SEL1L: variants seen among roughly 807,000 people sequenced by gnomAD.
The protein encoded by SEL1L is SEL1L adaptor subunit of SYVN1 ubiquitin ligase.
A neutral mutation model predicts 109.8 loss-of-function variants in SEL1L; 52 were observed. That is an observed-to-expected ratio of 0.47 (90% CI 0.38 to 0.60). The LOEUF is 0.60. SEL1L is among the 20% of genes least tolerant of loss of function. The pLI is 0.00. For synonymous variants in SEL1L, 373 were observed against 339.6 expected (o/e 1.10, Z -1.08); for missense variants, 749 against 962.2 (o/e 0.78, Z 2.93).
At position 81,475,344 on chromosome 14, in the gene SEL1L, C is replaced by T. The variant is rs17115499; in HGVS notation, c.*1628G>A. ...TTATCTGGGAGGAAAGTTTTGCTTA[C>T]CAGGTTTCCCATAATTCTCTAAACA... On this transcript the variant is annotated 3_prime_UTR_variant, in exon 21 of 21. Transcript: ENST00000336735. The T allele has an allele frequency of 0.046, 7,007 of 152,602 alleles. 498 individuals carry two copies. Among genetic ancestry groups the T allele is most frequent in the African/African-American group, 0.15 (6,395 of 41,492 alleles). 9.5% of individuals were successfully genotyped at this position (152,602 alleles called of 1,614,324 possible).
rs201933322 is a variant in SEL1L, at chr14:81,498,063, AAAC to A, written c.974-20_974-18del. 2.0e-3 allele frequency: 3,195 copies of A among 1,606,432 alleles called. 47 individuals carry two copies. In the African/African-American group the frequency reaches 0.035, roughly 17 times the overall value. ...CACTAGCAACTGAAATAGAGGGATA[AAAC>A]AATAAGGTGGAGGAAAATCAGAAGA... On this transcript the variant is annotated intron_variant, in intron 9 of 20. Transcript: ENST00000336735.
intron 3 of SEL1L, among the ~76,000 whole-genome samples, chr14:81,520,680 C>T (rs2140051276): frequency 6.6e-6 from 1 of 152,278 alleles, no homozygotes; most frequent in East Asian, 1.9e-4. Flanking sequence ...TAAAGAGAGA[C>T]CTCTGGCAAA....
intron 6 of SEL1L, 25 bp downstream of exon 6, chr14:81,502,696 G>A: frequency 6.2e-7 from 1 of 1,608,986 alleles, no homozygotes. Context: ...CATGCAGAGA[G>A]ATTCTTCACT....
At chr14:81,521,838 AG>A (rs1442764038) in intron 3 of SEL1L, among the ~76,000 whole-genome samples, 1 of 152,198 alleles carries the variant, frequency 6.6e-6, no homozygotes, top group African/African-American at 2.4e-5. Context: ...TGTGTCCTTC[AG>A]GAAGTACAGG....
In SEL1L at chr14:81,497,998, C is replaced by T. The variant is rs1481268940; in HGVS notation, c.1022G>A (p.Arg341Gln). Residue 341 changes from arginine to glutamine, a missense_variant, in exon 10 of 21, where the codon CGG (arginine) becomes CAG (glutamine). Arg to Gln is a conservative substitution (Grantham distance 43). Coordinates refer to ENST00000336735, the MANE Select transcript of SEL1L (RefSeq NM_005065.6). ...LTGGSVVQRI[R>Q]LPDEVENPGM... ...TGGATTTTCCACTTCATCAGGCAGC[C>T]GTATTCTCTGTACTACTGAGCCTCC... The T allele has an allele frequency of 1.9e-6, 3 of 1,613,916 alleles. No homozygotes were observed. Among genetic ancestry groups the T allele is most frequent in the Non-Finnish European group, 1.7e-6 (2 of 1,179,922 alleles).
chr14:81,488,872 G>T (rs909165748), intron 14 of SEL1L: 1 of 264,874 alleles, frequency 3.8e-6, no homozygotes, highest in African/African-American at 2.3e-5. Flanking sequence ...AGGGGTAAAG[G>T]GCAGAACAGA....
intron 1 of SEL1L, among the ~76,000 whole-genome samples, chr14:81,528,085 T>A (rs1413262977): frequency 6.6e-6 from 1 of 152,168 alleles, no homozygotes; most frequent in Non-Finnish European, 1.5e-5. Flanking sequence ...AATGAGTTAC[T>A]AAGTTCATAA....
chr14:81,533,627 T>C (rs1566631571), intron 1 of SEL1L, 48 bp downstream of exon 1: 13 of 1,579,116 alleles, frequency 8.2e-6, no homozygotes, highest in South Asian at 3.4e-5. Flanking sequence ...CTGTAGAGGC[T>C]GGGGGGCGGA....
intron 3 of SEL1L, among the ~76,000 whole-genome samples, chr14:81,520,982 G>T (rs1489815151): frequency 6.6e-6 from 1 of 152,094 alleles, no homozygotes; most frequent in Admixed American, 6.6e-5. Context: ...CGACCCGAGA[G>T]CAGCTCTGGC....
chr14:81,476,834 G>A lies in SEL1L; in HGVS notation c.*138C>T. On this transcript the variant is annotated 3_prime_UTR_variant, in exon 21 of 21. Transcript: ENST00000336735. The stretch of plus-strand genomic sequence containing the variant: ...AAATAAAGGCATCAGATTCTAAGCA[G>A]CTTTAGGAATTCAATGCTTCCTTGT... The A allele has an allele frequency of 1.3e-6, 1 of 764,032 alleles. No homozygotes were observed. Among genetic ancestry groups the A allele is most frequent in the Non-Finnish European group, 2.1e-6 (1 of 484,626 alleles). The allele number at this position is 764,032 out of a possible 1,614,324, so 47.3% of individuals were successfully genotyped here.
chr14:81,499,342 A>G, intron 8 of SEL1L, 117 bp downstream of exon 8: 2 of 1,466,174 alleles, frequency 1.4e-6, no homozygotes, highest in Non-Finnish European at 1.8e-6. Flanking sequence ...GTTCAACTGA[A>G]TATTTGGTCT....
In SEL1L at chr14:81,476,425, T is replaced by C. The variant is rs17094181; in HGVS notation, c.*547A>G. 4,915 of 152,724 alleles carry C rather than the reference T, an allele frequency of 0.032. 115 individuals are homozygous for C. The highest frequency in any genetic ancestry group is 0.073 in the African/African-American group (3,021 of 41,500). The allele number at this position is 152,724 out of a possible 1,614,324, so 9.5% of individuals were successfully genotyped here. On this transcript the variant is annotated 3_prime_UTR_variant, in exon 21 of 21. Coordinates refer to ENST00000336735, the MANE Select transcript of SEL1L (RefSeq NM_005065.6). ...TAACAAATATGCTGAATATGTCTAA[T>C]TGCATGTGGACTGGTAAGAGTTTCT...
At chr14:81,519,554 T>C (rs1260903645) in intron 3 of SEL1L, among the ~76,000 whole-genome samples, 1 of 152,206 alleles carries the variant, frequency 6.6e-6, no homozygotes, top group African/African-American at 2.4e-5. Flanking sequence ...TGTCAGGCCT[T>C]GTAAATAGAA....
chr14:81,526,714 A>G lies in SEL1L; in HGVS notation c.340+19T>C, dbSNP rs1301048684. 6.3e-7 allele frequency: 1 copy of G among 1,596,300 alleles called. No individual in the cohort carries two copies. The highest frequency in any genetic ancestry group is 1.3e-5 in the African/African-American group (1 of 74,428). ...TGTCCCCTAAATAAATCAAAAAGCA[A>G]GGAAAATGTCCAGACTACCTGGTTT... On this transcript the variant is annotated intron_variant, in intron 3 of 20. Transcript: ENST00000336735.
At chr14:81,492,068 G>A (rs1883559067) in intron 12 of SEL1L, among the ~76,000 whole-genome samples, 1 of 151,900 alleles carries the variant, frequency 6.6e-6, no homozygotes, top group African/African-American at 2.4e-5. Context: ...TGTCGCCCAG[G>A]CTGGAGTGCA....
chr14:81,532,406 A>G (rs1885363212), intron 1 of SEL1L, among the ~76,000 whole-genome samples: 1 of 152,204 alleles, frequency 6.6e-6, no homozygotes, highest in Non-Finnish European at 1.5e-5. Flanking sequence ...CAACAGCTTC[A>G]TTTCATGCTT....
chr14:81,498,037 T>A lies in SEL1L; in HGVS notation c.983A>T (p.Asp328Val). Reference protein sequence around the residue: ...YRLVANHVASDISLTGGSVVQ... With the variant: ...YRLVANHVASVISLTGGSVVQ... ...TACTGAGCCTCCTGTTAGCGAGATATCACTAGCAACTGAAATAGAGGGATA... is the reference window on the plus strand; with the variant it reads ...TACTGAGCCTCCTGTTAGCGAGATAACACTAGCAACTGAAATAGAGGGATA... The change falls in exon 10 of 21, where the codon GAT becomes GTT. Residue 328 changes from aspartate (D) to valine (V), a missense_variant. By Grantham distance (152) the Asp-to-Val change is radical. This residue lies in a region of SEL1L where 366 missense variants were observed against 399.8 expected (regional missense o/e 0.92). Coordinates refer to ENST00000336735, the MANE Select transcript of SEL1L (RefSeq NM_005065.6). The A allele has an allele frequency of 6.2e-7, 1 of 1,612,428 alleles. No individual in the cohort carries two copies. The highest frequency in any genetic ancestry group is 8.5e-7 in the Non-Finnish European group (1 of 1,179,534).
intron 1 of SEL1L, among the ~76,000 whole-genome samples, chr14:81,531,949 T>C (rs961415409): frequency 6.6e-6 from 1 of 152,218 alleles, no homozygotes; most frequent in Non-Finnish European, 1.5e-5. Context: ...GCCTTTACCA[T>C]TGAAATGTTG....
At chr14:81,499,378 A>C in intron 8 of SEL1L, 81 bp downstream of exon 8, 1 of 1,557,544 alleles carries the variant, frequency 6.4e-7, no homozygotes, top group Non-Finnish European at 8.6e-7. Context: ...TGGATCATGA[A>C]AGCTGAAAAA....
Sources: allele counts gnomAD v4.1 joint callset (sites outside exome capture counted in the v4.1 genomes callset), GRCh38; gene constraint gnomAD v4.1.1; regional missense constraint gnomAD v4.1.1; transcripts MANE v1.5; gene names NCBI Gene and HGNC (gene_info 2026-07-23, HGNC 2026-07-21).